The following PRKG2 variants were observed in gnomAD, a reference collection of about 807,000 sequenced individuals.
PRKG2 encodes the protein protein kinase cGMP-dependent 2, also known as cGMP-dependent protein kinase 2.
PRKG2 carries 33 observed loss-of-function variants against 97.2 expected under a neutral mutation model. The ratio of observed to expected loss-of-function variants is 0.34; its 90% CI spans 0.26 to 0.45. PRKG2 has a LOEUF of 0.45. PRKG2 is among the 20% of genes least tolerant of loss of function. The pLI, the probability that PRKG2 is intolerant of heterozygous loss-of-function variation, is 1.00. For missense variants in PRKG2, 638 were observed against 900.0 expected (o/e 0.71, Z 3.73); for synonymous variants, 330 against 321.8 (o/e 1.03, Z -0.27).
intron 2 of PRKG2, among the ~76,000 whole-genome samples, chr4:81,197,099 T>C (rs577770389): frequency 6.6e-6 from 1 of 152,286 alleles, no homozygotes; most frequent in South Asian, 2.1e-4. Flanking sequence ...CTGTGGAAAC[T>C]GAATGCTGCT....
At chr4:81,155,012 A>C (rs1748886777) in intron 6 of PRKG2, among the ~76,000 whole-genome samples, 1 of 151,644 alleles carries the variant, frequency 6.6e-6, no homozygotes, top group South Asian at 2.1e-4. Context: ...GTCTCTACTA[A>C]AAATACAAAA....
chr4:81,187,975 G>A (rs1442781188), intron 2 of PRKG2, among the ~76,000 whole-genome samples: 1 of 152,134 alleles, frequency 6.6e-6, no homozygotes, highest in Non-Finnish European at 1.5e-5. Context: ...AGGACTTCAT[G>A]TCTAAAACAC....
At chr4:81,102,302 A>G (rs1304742277) in intron 17 of PRKG2, among the ~76,000 whole-genome samples, 1 of 152,180 alleles carries the variant, frequency 6.6e-6, no homozygotes, top group African/African-American at 2.4e-5. Flanking sequence ...AGTAAAAGCT[A>G]AGCTGGAGCC....
At chr4:81,151,369 G>A (rs78451561) in intron 8 of PRKG2, among the ~76,000 whole-genome samples, 14,460 of 152,030 alleles carry the variant, frequency 0.095, 916 homozygotes, top group Middle Eastern at 0.19. Context: ...TCCAGGAAAT[G>A]CAAAGTGTCC....
intron 2 of PRKG2, among the ~76,000 whole-genome samples, chr4:81,196,532 C>T (rs1752969016): frequency 6.6e-6 from 1 of 152,092 alleles, no homozygotes; most frequent in African/African-American, 2.4e-5. Flanking sequence ...AAAGAGGGAA[C>T]TGGAAGCTCT....
At chr4:81,128,883 C>T (rs1295435950) in intron 14 of PRKG2, among the ~76,000 whole-genome samples, 1 of 152,068 alleles carries the variant, frequency 6.6e-6, no homozygotes, top group Non-Finnish European at 1.5e-5. Flanking sequence ...AATTTGTTTG[C>T]TCTTGCTTCT....
chr4:81,131,625 G>C (rs1455427359), intron 14 of PRKG2, among the ~76,000 whole-genome samples: 1 of 152,138 alleles, frequency 6.6e-6, no homozygotes, highest in South Asian at 2.1e-4. Flanking sequence ...TTACGTCTAG[G>C]TGATTTACAG....
intron 2 of PRKG2, among the ~76,000 whole-genome samples, chr4:81,180,481 A>T (rs1181932282): frequency 6.6e-6 from 1 of 152,136 alleles, no homozygotes; most frequent in Non-Finnish European, 1.5e-5. Flanking sequence ...TTAAAAATAA[A>T]TTTTTCTCTG....
intron 6 of PRKG2, among the ~76,000 whole-genome samples, chr4:81,157,756 G>A (rs1749232726): frequency 6.6e-6 from 1 of 151,846 alleles, no homozygotes; most frequent in South Asian, 2.1e-4. Context: ...TCATCCCTGG[G>A]ATGCAAGGCT....
At chr4:81,159,623 G>A (rs981655460) in intron 6 of PRKG2, among the ~76,000 whole-genome samples, 2 of 152,004 alleles carry the variant, frequency 1.3e-5, no homozygotes, top group African/African-American at 4.8e-5. Context: ...ATACCCAAAG[G>A]ACTATAAATC....
intron 7 of PRKG2, among the ~76,000 whole-genome samples, chr4:81,152,296 T>C (rs1336035661): frequency 6.6e-6 from 1 of 152,188 alleles, no homozygotes; most frequent in Non-Finnish European, 1.5e-5. Context: ...AAATTCACCA[T>C]CTAAACTCCA....
chr4:81,095,159 T>G (rs777068472), intron 17 of PRKG2, among the ~76,000 whole-genome samples: 10 of 152,130 alleles, frequency 6.6e-5, no homozygotes, highest in Non-Finnish European at 1.3e-4. Flanking sequence ...AGCTTAGCAA[T>G]AGAAAAGGAA....
chr4:81,162,812 G>A (rs557847795), intron 6 of PRKG2, among the ~76,000 whole-genome samples: 10 of 152,050 alleles, frequency 6.6e-5, no homozygotes, highest in African/African-American at 2.4e-4. Flanking sequence ...CTATAGCTGC[G>A]GGGATTGTGT....
chr4:81,155,376 G>C (rs557002052), intron 6 of PRKG2, among the ~76,000 whole-genome samples: 4 of 152,078 alleles, frequency 2.6e-5, no homozygotes, highest in South Asian at 4.2e-4. Flanking sequence ...GGGAAGTTTA[G>C]AGAAAAAAGA....
intron 2 of PRKG2, among the ~76,000 whole-genome samples, chr4:81,184,545 C>A (rs1162790098): frequency 6.6e-6 from 1 of 152,110 alleles, no homozygotes; most frequent in Non-Finnish European, 1.5e-5. Context: ...AAAACCAGTA[C>A]AAAAAGGCTG....
At chr4:81,136,701 TCACC>T (rs1445733306) in intron 13 of PRKG2, among the ~76,000 whole-genome samples, 8 of 152,190 alleles carry the variant, frequency 5.3e-5, no homozygotes, top group Non-Finnish European at 7.3e-5. Context: ...TCCTCGGAGC[TCACC>T]ATCTACGACA....
chr4:81,098,912 G>C (rs1449978554), intron 17 of PRKG2, among the ~76,000 whole-genome samples: 1 of 152,172 alleles, frequency 6.6e-6, no homozygotes, highest in East Asian at 1.9e-4. Flanking sequence ...GGCCCTGATA[G>C]ACTTGCTTGA....
intron 2 of PRKG2, among the ~76,000 whole-genome samples, chr4:81,198,795 A>G (rs1263520577): frequency 6.6e-6 from 1 of 152,238 alleles, no homozygotes; most frequent in Admixed American, 6.5e-5. Flanking sequence ...GTAATAGCCA[A>G]CCAATAACTT....
At chr4:81,183,775 G>A (rs557932372) in intron 2 of PRKG2, among the ~76,000 whole-genome samples, 4 of 152,108 alleles carry the variant, frequency 2.6e-5, no homozygotes, top group Non-Finnish European at 5.9e-5. Flanking sequence ...ACAGCAGTCT[G>A]AAGTCAACCT....
Sources: gnomAD v4.1 joint callset for allele counts (sites outside exome capture counted in the v4.1 genomes callset) on GRCh38, gnomAD v4.1.1 for gene constraint, MANE v1.5 for transcripts, NCBI Gene and HGNC (gene_info 2026-07-23, HGNC 2026-07-21) for gene names.